Variants in NALF1 observed in about 807,000 individuals in gnomAD.
NALF1 encodes NALCN channel auxiliary factor 1.
A neutral mutation model predicts 48.4 loss-of-function variants in NALF1; 3 were observed. That is an observed-to-expected ratio of 0.06 (90% CI 0.03 to 0.16). The LOEUF (loss-of-function observed/expected upper bound fraction) is 0.16. Among genes scored for constraint, NALF1 ranks in the 10% least tolerant of loss-of-function variants. The probability of loss-of-function intolerance (pLI) is 1.00; values close to 1 mark genes in which losing one functional copy is unlikely to be tolerated. For missense variants in NALF1, 526 were observed against 571.5 expected (o/e 0.92, Z 0.81); for synonymous variants, 262 against 245.7 (o/e 1.07, Z -0.62).
chr13:107,235,748 T>C (rs980583866), intron 1 of NALF1, among the ~76,000 whole-genome samples: 1 of 152,210 alleles, frequency 6.6e-6, no homozygotes, highest in Non-Finnish European at 1.5e-5. Flanking sequence ...GCCTGTGTGA[T>C]TCAAAGAAAC....
intron 1 of NALF1, among the ~76,000 whole-genome samples, chr13:107,456,342 T>C (rs1420518531): frequency 2.0e-5 from 3 of 152,232 alleles, no homozygotes; most frequent in Non-Finnish European, 2.9e-5. Context: ...ATGTGGCCCA[T>C]GACATTTATA....
chr13:107,618,281 T>C (rs1013549974), intron 1 of NALF1, among the ~76,000 whole-genome samples: 1 of 152,076 alleles, frequency 6.6e-6, no homozygotes, highest in African/African-American at 2.4e-5. Context: ...ACAGGAACTG[T>C]TCAAGGCAGG....
At chr13:107,209,223 A>C (rs1879707004) in intron 2 of NALF1, among the ~76,000 whole-genome samples, 1 of 152,172 alleles carries the variant, frequency 6.6e-6, no homozygotes, top group Non-Finnish European at 1.5e-5. Flanking sequence ...ATACTAATCC[A>C]GGCTGGGCAC....
At chr13:107,345,089 A>G (rs990222366) in intron 1 of NALF1, among the ~76,000 whole-genome samples, 1 of 152,098 alleles carries the variant, frequency 6.6e-6, no homozygotes, top group Non-Finnish European at 1.5e-5. Context: ...GCAGCTACAC[A>G]CACACACACA....
rs7358887 is a variant in NALF1, at chr13:107,735,813, G to A, written c.915+129869C>T. Among the ~76,000 whole-genome samples the A allele has an allele frequency of 8.6e-3, 1,311 of 152,214 alleles. 27 individuals carry two copies. The highest frequency in any genetic ancestry group is 0.03 in the African/African-American group (1,238 of 41,554). ...AACTCTTCTTGGTGTAGGGGTAATGGGGAAATACCGCAGGCTTTGGCCTGC... is the reference window on the plus strand; with the variant it reads ...AACTCTTCTTGGTGTAGGGGTAATGAGGAAATACCGCAGGCTTTGGCCTGC... On this transcript the variant is annotated intron_variant, in intron 1 of 2. Coordinates refer to ENST00000375915, the MANE Select transcript of NALF1 (RefSeq NM_001080396.3).
At chr13:107,615,303 T>A (rs1683094809) in intron 1 of NALF1, among the ~76,000 whole-genome samples, 1 of 152,136 alleles carries the variant, frequency 6.6e-6, no homozygotes, top group African/African-American at 2.4e-5. Context: ...CAATAACAAT[T>A]AGCCTCTATT....
intron 1 of NALF1, among the ~76,000 whole-genome samples, chr13:107,757,415 CTTTTTTTTT>C (rs3074821): frequency 8.2e-4 from 88 of 107,934 alleles, no homozygotes; most frequent in Non-Finnish European, 1.3e-3. Flanking sequence ...GCCCTCATTT[CTTTTTTTTT>C]TTTTTTTTTT....
At chr13:107,817,354 G>A (rs1352837460) in intron 1 of NALF1, among the ~76,000 whole-genome samples, 1 of 152,212 alleles carries the variant, frequency 6.6e-6, no homozygotes, top group Non-Finnish European at 1.5e-5. Flanking sequence ...TACTTAGAAT[G>A]ATGATTCTGT....
At chr13:107,343,363 G>C (rs2138937096) in intron 1 of NALF1, among the ~76,000 whole-genome samples, 1 of 152,304 alleles carries the variant, frequency 6.6e-6, no homozygotes, top group East Asian at 1.9e-4. Flanking sequence ...CATGTTGTGG[G>C]AGGGACCCAG....
chr13:107,855,226 G>A (rs816995), intron 1 of NALF1, among the ~76,000 whole-genome samples: 22,191 of 152,140 alleles, frequency 0.15, 2,872 homozygotes, highest in African/African-American at 0.34. Flanking sequence ...GGGAATCAAG[G>A]CCTCTCTGAC....
chr13:107,769,752 C>T (rs975100982), intron 1 of NALF1, among the ~76,000 whole-genome samples: 1 of 151,716 alleles, frequency 6.6e-6, no homozygotes, highest in Non-Finnish European at 1.5e-5. Context: ...TCCATTAACC[C>T]TTATATAATC....
chr13:107,685,920 T>C (rs900473507), intron 1 of NALF1, among the ~76,000 whole-genome samples: 4 of 152,232 alleles, frequency 2.6e-5, no homozygotes, highest in Non-Finnish European at 5.9e-5. Context: ...GTTCCTCTCA[T>C]ACAAGACTTA....
At chr13:107,400,285 GGTTA>G (rs1479289952) in intron 1 of NALF1, among the ~76,000 whole-genome samples, 1 of 152,090 alleles carries the variant, frequency 6.6e-6, no homozygotes, top group Non-Finnish European at 1.5e-5. Context: ...TTAACTTGGT[GGTTA>G]GTATTTTCTA....
At chr13:107,626,787 T>C (rs916715937) in intron 1 of NALF1, among the ~76,000 whole-genome samples, 18 of 151,454 alleles carry the variant, frequency 1.2e-4, no homozygotes, top group African/African-American at 4.4e-4. Flanking sequence ...TGGGAAGGGG[T>C]GGGAGGAGGA....
intron 1 of NALF1, among the ~76,000 whole-genome samples, chr13:107,484,928 C>T (rs780084389): frequency 5.3e-5 from 8 of 152,094 alleles, no homozygotes; most frequent in Non-Finnish European, 1.2e-4. Flanking sequence ...ATCCCTTTTG[C>T]AGAGTATTTG....
At chr13:107,532,063 G>A (rs2139108818) in intron 1 of NALF1, among the ~76,000 whole-genome samples, 1 of 152,086 alleles carries the variant, frequency 6.6e-6, no homozygotes, top group South Asian at 2.1e-4. Flanking sequence ...AATAGAAAAT[G>A]CTTTGTTTCT....
chr13:107,609,248 A>T (rs1879157999), intron 1 of NALF1, among the ~76,000 whole-genome samples: 1 of 152,158 alleles, frequency 6.6e-6, no homozygotes, highest in Non-Finnish European at 1.5e-5. Flanking sequence ...CACACCATTC[A>T]TTCAGTTCAT....
intron 1 of NALF1, among the ~76,000 whole-genome samples, chr13:107,598,881 A>T (rs903811382): frequency 3.9e-5 from 6 of 151,988 alleles, no homozygotes; most frequent in African/African-American, 1.2e-4. Flanking sequence ...ATCTGACATA[A>T]TTTTCTTCCA....
intron 1 of NALF1, among the ~76,000 whole-genome samples, chr13:107,272,012 T>G (rs1369053618): frequency 1.3e-5 from 2 of 151,230 alleles, no homozygotes; most frequent in Non-Finnish European, 2.9e-5. Context: ...AAGCCAGTGC[T>G]TGGGTTTTAG....
Sources: allele counts gnomAD v4.1 joint callset (sites outside exome capture counted in the v4.1 genomes callset), GRCh38; gene constraint gnomAD v4.1.1; transcripts MANE v1.5; gene names NCBI Gene and HGNC (gene_info 2026-07-23, HGNC 2026-07-21).